The following PLEKHA5 variants were observed in gnomAD, a reference collection of about 807,000 sequenced individuals.
PLEKHA5 encodes pleckstrin homology domain containing A5.
A neutral mutation model predicts 181.9 loss-of-function variants in PLEKHA5; 55 were observed. The ratio of observed to expected loss-of-function variants is 0.30; its 90% confidence interval spans 0.24 to 0.38. PLEKHA5 has a LOEUF of 0.38. Ranked by LOEUF, PLEKHA5 falls within the 10% of genes least tolerant of loss-of-function variation. The pLI is 1.00. For synonymous variants in PLEKHA5, 535 were observed against 529.4 expected (o/e 1.01, Z -0.15); for missense variants, 1,432 against 1,549.5 (o/e 0.92, Z 1.27).
At chr12:19,237,925 A>G (rs1425433206) in intron 3 of PLEKHA5, among the ~76,000 whole-genome samples, 1 of 151,668 alleles carries the variant, frequency 6.6e-6, no homozygotes, top group African/African-American at 2.4e-5. Context: ...TCCCTATTTC[A>G]TAGGGATGAA....
intron 3 of PLEKHA5, among the ~76,000 whole-genome samples, chr12:19,176,926 C>T (rs545226909): frequency 3.9e-5 from 6 of 152,014 alleles, no homozygotes; most frequent in African/African-American, 9.6e-5. Flanking sequence ...TGGAGTGGCA[C>T]GATCTTGGCT....
Position 19,347,175 on chromosome 12 carries a change from C to T in PLEKHA5, c.2891C>T (p.Ser964Phe). The change falls in exon 24 of 32, where the codon TCT becomes TTT. Residue 964 changes from serine (S) to phenylalanine (F), a missense_variant. Ser to Phe is a radical substitution (Grantham distance 155). This residue lies in a region of PLEKHA5 where 1,143 missense variants were observed against 1,168.4 expected (regional missense o/e 0.98). Transcript: ENST00000429027. ...YQVQGYPRNG[S>F]HCGPDYRLYK... is the part of the protein sequence containing the mutation. ...GTTCAAGGATATCCAAGAAATGGAT[C>T]TCACTGTGTAAGTGGCTGGAATAGC... The T allele has an allele frequency of 1.3e-6, 2 of 1,531,192 alleles. No homozygotes were observed. The highest frequency in any genetic ancestry group is 1.8e-6 in the Non-Finnish European group (2 of 1,129,390). 94.9% of individuals were successfully genotyped at this position (1,531,192 alleles called of 1,614,324 possible).
At chr12:19,374,238 C>CT (rs139465408) in intron 31 of PLEKHA5, among the ~76,000 whole-genome samples, 221 of 137,082 alleles carry the variant, frequency 1.6e-3, no homozygotes, top group Middle Eastern at 7.6e-3. Context: ...ACGTTTGGTA[C>CT]TTTTTTTTTT....
chr12:19,324,579 T>A (rs961572796), intron 20 of PLEKHA5, among the ~76,000 whole-genome samples: 2 of 152,144 alleles, frequency 1.3e-5, no homozygotes, highest in African/African-American at 4.8e-5. Flanking sequence ...TGTAATATAG[T>A]CATAAAGAAA....
At chr12:19,320,221 A>C (rs2090280726) in intron 17 of PLEKHA5, among the ~76,000 whole-genome samples, 165 bp downstream of exon 17, 1 of 152,072 alleles carries the variant, frequency 6.6e-6, no homozygotes, top group Admixed American at 6.6e-5. Flanking sequence ...GATTTGACAC[A>C]GTTGCTACGA....
At chr12:19,144,378 C>T (rs190354106) in intron 3 of PLEKHA5, among the ~76,000 whole-genome samples, 101 of 152,294 alleles carry the variant, frequency 6.6e-4, no homozygotes, top group African/African-American at 2.3e-3. Context: ...CGTCTCTCCT[C>T]GTGGCCTCTC....
chr12:19,179,093 A>G (rs2047956963), intron 3 of PLEKHA5, among the ~76,000 whole-genome samples: 1 of 152,194 alleles, frequency 6.6e-6, no homozygotes, highest in Non-Finnish European at 1.5e-5. Context: ...TTTTTATGCG[A>G]GACATTTAAT....
intron 3 of PLEKHA5, among the ~76,000 whole-genome samples, chr12:19,158,119 G>A (rs759980345): frequency 6.6e-6 from 1 of 152,076 alleles, no homozygotes; most frequent in South Asian, 2.1e-4. Context: ...TTGGGAGGCC[G>A]AGGTGGATGG....
intron 21 of PLEKHA5, among the ~76,000 whole-genome samples, chr12:19,341,935 G>T (rs550107851): frequency 6.6e-6 from 1 of 152,182 alleles, no homozygotes; most frequent in South Asian, 2.1e-4. Flanking sequence ...GTTTTTCTGT[G>T]TTGCCCAGGC....
At chr12:19,358,843 T>C (rs1015055688) in intron 27 of PLEKHA5, among the ~76,000 whole-genome samples, 2 of 152,208 alleles carry the variant, frequency 1.3e-5, no homozygotes, top group African/African-American at 4.8e-5. Context: ...TGACCTAAAT[T>C]GTAGCAGGAG....
At chr12:19,315,176 C>T (rs1163066397) in intron 16 of PLEKHA5, among the ~76,000 whole-genome samples, 1 of 152,084 alleles carries the variant, frequency 6.6e-6, no homozygotes, top group Non-Finnish European at 1.5e-5. Flanking sequence ...GTCTGCAGTA[C>T]ATTTGCAAAA....
chr12:19,168,608 T>G (rs898141807), intron 3 of PLEKHA5, among the ~76,000 whole-genome samples: 1 of 152,196 alleles, frequency 6.6e-6, no homozygotes, highest in African/African-American at 2.4e-5. Flanking sequence ...TGCACCTTCC[T>G]ATGCATTCCC....
intron 3 of PLEKHA5, among the ~76,000 whole-genome samples, chr12:19,219,258 C>T (rs1030787643): frequency 1.3e-5 from 2 of 152,046 alleles, no homozygotes; most frequent in African/African-American, 2.4e-5. Flanking sequence ...GTCCTGAAAC[C>T]GAATTCCCGA....
chr12:19,344,283 C>G (rs779952941), intron 22 of PLEKHA5, among the ~76,000 whole-genome samples: 1 of 152,090 alleles, frequency 6.6e-6, no homozygotes, highest in Non-Finnish European at 1.5e-5. Flanking sequence ...CTCTGTCAAC[C>G]ATACCTAAAC....
At chr12:19,275,554 A>G (rs10743312) in intron 11 of PLEKHA5, among the ~76,000 whole-genome samples, 131,251 of 152,108 alleles carry the variant, frequency 0.86, 58,114 homozygotes, top group Middle Eastern at 0.97. Flanking sequence ...GTTTGATGCC[A>G]GGAGTTTGAG....
intron 3 of PLEKHA5, among the ~76,000 whole-genome samples, chr12:19,180,274 T>G (rs919965952): frequency 1.3e-5 from 2 of 152,168 alleles, no homozygotes; most frequent in Non-Finnish European, 2.9e-5. Flanking sequence ...GGATTTAAAT[T>G]TTTACTCTGA....
intron 7 of PLEKHA5, among the ~76,000 whole-genome samples, chr12:19,265,051 C>T (rs2152664299): frequency 6.6e-6 from 1 of 152,276 alleles, no homozygotes; most frequent in East Asian, 1.9e-4. Context: ...GTAATTTAGT[C>T]ACACTATTGT....
intron 11 of PLEKHA5, among the ~76,000 whole-genome samples, chr12:19,281,657 A>C (rs1476573057): frequency 1.3e-5 from 2 of 151,598 alleles, no homozygotes; most frequent in African/African-American, 4.8e-5. Context: ...TTTCTGGCTC[A>C]CTTCTCCCCT....
chr12:19,359,374 C>A, intron 27 of PLEKHA5, 38 bp from the exon 28 acceptor site: 1 of 1,580,036 alleles, frequency 6.3e-7, no homozygotes, highest in Non-Finnish European at 8.7e-7. Context: ...CATGCATGCA[C>A]AGTATGAGTA....
Sources: gnomAD v4.1 joint callset for allele counts (sites outside exome capture counted in the v4.1 genomes callset) on GRCh38, gnomAD v4.1.1 for gene constraint, gnomAD v4.1.1 regional missense constraint, MANE v1.5 for transcripts, NCBI Gene and HGNC (gene_info 2026-07-23, HGNC 2026-07-21) for gene names.